The following GALNT18 variants were observed in gnomAD, a reference collection of about 807,000 sequenced individuals.
GALNT18 encodes GalNAc-transferase 18.
Under a neutral mutation model 69.5 loss-of-function variants are expected in GALNT18, and 44 were observed. That is an observed-to-expected ratio of 0.63 (90% CI 0.50 to 0.81). The LOEUF (loss-of-function observed/expected upper bound fraction) is 0.81. GALNT18 is among the 40% of genes least tolerant of loss of function. The probability of loss-of-function intolerance (pLI) is 0.00; values close to 1 mark genes in which losing one functional copy is unlikely to be tolerated. For synonymous variants in GALNT18, 364 were observed against 318.2 expected (o/e 1.14, Z -1.53); for missense variants, 715 against 810.0 (o/e 0.88, Z 1.42).
intron 3 of GALNT18, among the ~76,000 whole-genome samples, chr11:11,431,130 G>C (rs761808298): frequency 6.6e-6 from 1 of 152,148 alleles, no homozygotes; most frequent in Non-Finnish European, 1.5e-5. Flanking sequence ...GAAAGGCTCC[G>C]AGATTTCTTC....
intron 10 of GALNT18, among the ~76,000 whole-genome samples, chr11:11,278,175 C>T (rs996713578): frequency 7.9e-5 from 12 of 152,156 alleles, no homozygotes; most frequent in Admixed American, 7.2e-4. Context: ...CTTTAATAAT[C>T]TGGGTGCAGG....
In GALNT18 at chr11:11,279,346, A is replaced by G. The variant is rs537089038; in HGVS notation, c.1678-8056T>C. On this transcript the variant is annotated intron_variant, in intron 10 of 10. Coordinates refer to ENST00000227756, the MANE Select transcript of GALNT18 (RefSeq NM_198516.3). ...AAATTTCTTAAAAAAATTTAAGACT[A>G]AAAAAAAACTTCAGTTCTTACAACT... is the stretch of plus-strand genomic sequence containing the variant. 8.9e-4 allele frequency among the ~76,000 whole-genome samples: 134 copies of G among 151,254 alleles called. 4 individuals carry two copies. The highest frequency in any genetic ancestry group is 5.6e-4 in the Non-Finnish European group (38 of 67,588).
At chr11:11,312,787 T>C (rs1849691890) in intron 9 of GALNT18, among the ~76,000 whole-genome samples, 1 of 152,132 alleles carries the variant, frequency 6.6e-6, no homozygotes, top group African/African-American at 2.4e-5. Flanking sequence ...AAGCCTTCAT[T>C]TACATAAAAA....
chr11:11,385,348 T>A (rs1357212057), intron 3 of GALNT18, among the ~76,000 whole-genome samples: 2 of 149,868 alleles, frequency 1.3e-5, no homozygotes, highest in Non-Finnish European at 3.0e-5. Flanking sequence ...CAGGATGGAG[T>A]GCAGTGGTGC....
At chr11:11,482,239 G>T (rs1225982407) in intron 1 of GALNT18, among the ~76,000 whole-genome samples, 1 of 152,242 alleles carries the variant, frequency 6.6e-6, no homozygotes, top group Admixed American at 6.5e-5. Flanking sequence ...TGTGCAGTCG[G>T]AGGGGCCTGC....
chr11:11,341,716 G>A lies in GALNT18; in HGVS notation c.1093-712C>T, dbSNP rs1187227285. Among the ~76,000 whole-genome samples the A allele has an allele frequency of 6.6e-6, 1 of 152,132 alleles. No individual in the cohort carries two copies. The highest frequency in any genetic ancestry group is 1.5e-5 in the Non-Finnish European group (1 of 68,022). On this transcript the variant is annotated intron_variant, in intron 6 of 10. Transcript: ENST00000227756. The surrounding 1 kb of genome is among the most constrained non-coding windows in gnomAD (Gnocchi z 6.3). The stretch of plus-strand genomic sequence containing the variant: ...TTTCCAGCCATCCTGACCTTTCAAT[G>A]TTCCTGAACTTGCACTCTTTTGTGC...
rs1415049954 is a variant in GALNT18, at chr11:11,396,331, G to T, written c.596-17067C>A. Among the ~76,000 whole-genome samples the T allele has an allele frequency of 6.6e-6, 1 of 152,212 alleles. No homozygotes were observed. The highest frequency in any genetic ancestry group is 1.5e-5 in the Non-Finnish European group (1 of 68,034). The stretch of plus-strand genomic sequence containing the variant: ...ATCAAGAAGGGCAACATTTCGAGAG[G>T]TGAGGAAGAGAGAGTTTGCTTAGAG... On this transcript the variant is annotated intron_variant, in intron 3 of 10. Transcript: ENST00000227756. The surrounding 1 kb of genome is among the most constrained non-coding windows in gnomAD (Gnocchi z 5.2).
intron 3 of GALNT18, among the ~76,000 whole-genome samples, chr11:11,411,570 C>T (rs7938268): frequency 0.052 from 7,901 of 152,214 alleles, 654 homozygotes; most frequent in African/African-American, 0.18. Flanking sequence ...CACTGAAAGG[C>T]CAACTGGGGC....
intron 9 of GALNT18, among the ~76,000 whole-genome samples, chr11:11,301,509 C>T (rs561925292): frequency 2.6e-5 from 4 of 152,290 alleles, no homozygotes; most frequent in Middle Eastern, 3.4e-3. Flanking sequence ...AACCACAGCA[C>T]GAGGTCCACG....
At chr11:11,486,848 A>G (rs1470964291) in intron 1 of GALNT18, among the ~76,000 whole-genome samples, 1 of 152,252 alleles carries the variant, frequency 6.6e-6, no homozygotes, top group African/African-American at 2.4e-5. Flanking sequence ...TGCTAAAAGC[A>G]GCCAAAGCCC....
chr11:11,345,685 G>C (rs184994733), intron 6 of GALNT18, among the ~76,000 whole-genome samples: 1 of 152,326 alleles, frequency 6.6e-6, no homozygotes, highest in Non-Finnish European at 1.5e-5. Context: ...AGGGGATGAA[G>C]TGTGGGTACA....
At chr11:11,531,230 G>T (rs146908173) in intron 1 of GALNT18, among the ~76,000 whole-genome samples, 1 of 152,170 alleles carries the variant, frequency 6.6e-6, no homozygotes, top group Non-Finnish European at 1.5e-5. Flanking sequence ...AGCAACTGAG[G>T]CAGCACAGTA....
intron 1 of GALNT18, among the ~76,000 whole-genome samples, chr11:11,503,201 GAGGAAC>G (rs1857007656): frequency 6.6e-6 from 1 of 152,172 alleles, no homozygotes; most frequent in Non-Finnish European, 1.5e-5. Context: ...TATGCTTTAG[GAGGAAC>G]AGTGAGATTT....
chr11:11,352,964 T>A lies in GALNT18; in HGVS notation c.1093-11960A>T, dbSNP rs530293104. The A allele has an allele frequency of 5.6e-6, 9 of 1,614,198 alleles. No homozygotes were observed. The East Asian group carries it at 1.8e-4, about 32-fold the overall frequency. ...TTGTGATGTTGATGGCTTCAAATACTTCACTGTATTTACCTCGGCCTAATT... is the reference window on the plus strand; with the variant it reads ...TTGTGATGTTGATGGCTTCAAATACATCACTGTATTTACCTCGGCCTAATT... On this transcript the variant is annotated intron_variant, in intron 6 of 10. Coordinates refer to ENST00000227756, the MANE Select transcript of GALNT18 (RefSeq NM_198516.3).
chr11:11,579,286 C>T (rs1012897842), intron 1 of GALNT18, among the ~76,000 whole-genome samples: 5 of 152,266 alleles, frequency 3.3e-5, no homozygotes, highest in Middle Eastern at 3.4e-3. Flanking sequence ...AGCCCTGAGT[C>T]GAGCCCCACC....
intron 3 of GALNT18, among the ~76,000 whole-genome samples, chr11:11,398,472 T>C (rs1367265835): frequency 2.6e-5 from 4 of 152,192 alleles, no homozygotes; most frequent in Non-Finnish European, 5.9e-5. Flanking sequence ...CCCACTCTTT[T>C]AAAGATGAGA....
In GALNT18 at chr11:11,341,626, T is replaced by A. The variant is rs1850208860; in HGVS notation, c.1093-622A>T. Among the ~76,000 whole-genome samples the A allele has an allele frequency of 6.6e-6, 1 of 152,194 alleles. No homozygotes were observed. Among genetic ancestry groups the A allele is most frequent in the African/African-American group, 2.4e-5 (1 of 41,458 alleles). On this transcript the variant is annotated intron_variant, in intron 6 of 10. Transcript: ENST00000227756. This position sits in a 1 kb window ranked among gnomAD's most constrained non-coding sequence, Gnocchi z 6.3. ...GAGATTGATCCGAATGCAATTAGAT[T>A]TTGAAAGATAAACCTTTGCATTCTA...
intron 1 of GALNT18, among the ~76,000 whole-genome samples, chr11:11,458,274 T>C (rs960701706): frequency 2.0e-5 from 3 of 152,218 alleles, no homozygotes; most frequent in Admixed American, 1.3e-4. Context: ...TTGCTGAATA[T>C]CCCAGATAAG....
chr11:11,475,836 A>G (rs1856382582), intron 1 of GALNT18: 2 of 152,260 alleles, frequency 1.3e-5, no homozygotes, highest in Admixed American at 1.3e-4. Context: ...GTTGGAGTCC[A>G]CATCCATCTG....
Sources: allele counts gnomAD v4.1 joint callset (sites outside exome capture counted in the v4.1 genomes callset), GRCh38; gene constraint gnomAD v4.1.1; non-coding constraint Gnocchi (gnomAD v3.1); transcripts MANE v1.5; gene names NCBI Gene and HGNC (gene_info 2026-07-23, HGNC 2026-07-21).